Variants in PLEKHF1 observed in about 807,000 individuals in gnomAD.
PLEKHF1 encodes the protein pleckstrin homology domain-containing family F member 1.
Under a neutral mutation model 4.1 loss-of-function variants are expected in PLEKHF1, and 1 was observed. The observed-to-expected ratio is 0.24, with a 90% CI of 0.09 to 1.15. The LOEUF (loss-of-function observed/expected upper bound fraction) is 1.15, where lower values mean the gene tolerates loss of function less well. PLEKHF1 is among the 50% of genes most tolerant of loss of function. PLEKHF1 has a pLI of 0.52. For synonymous variants in PLEKHF1, 182 were observed against 178.5 expected (o/e 1.02, Z -0.16); for missense variants, 429 against 400.6 (o/e 1.07, Z -0.60).
rs757300561 is a variant in PLEKHF1, at chr19:29,673,953, C to T, written c.114C>T (p.Gly38=). 23 of 1,613,698 alleles carry T rather than the reference C, an allele frequency of 1.4e-5. No individual in the cohort carries two copies. Among genetic ancestry groups the T allele is most frequent in the South Asian group, 1.2e-4 (11 of 91,094 alleles). ...CGCTGCCAGGCCGAGTGCTGCTGGG[C>T]GAGGGCGTGCTGACCAAAGAGTGCC... is the stretch of plus-strand genomic sequence containing the variant. ...PLALPGRVLL[G]EGVLTKECRK... The change falls in exon 2 of 2, where the codon GGC becomes GGT. Residue 38 remains glycine (G), a synonymous_variant. Transcript: ENST00000436066.
rs369319464 is a variant in PLEKHF1 at position 29,674,106 on chromosome 19, G to A, written c.267G>A (p.Leu89=). 1.2e-6 allele frequency: 2 copies of A among 1,614,000 alleles called. No individual in the cohort carries two copies. Among genetic ancestry groups the A allele is most frequent in the Non-Finnish European group, 1.7e-6 (2 of 1,180,022 alleles). Residue 89 remains leucine, a synonymous_variant, in exon 2 of 2, where the codon CTG becomes CTA. Transcript: ENST00000436066. ...IIPLEEVTLE[L]LPETLQAKNR... is the part of the protein sequence containing the mutation. ...CCCTGGAGGAGGTCACACTGGAGCT[G>A]TTGCCGGAGACGCTGCAGGCCAAGA...
intron 1 of PLEKHF1, among the ~76,000 whole-genome samples, chr19:29,672,268 A>T (rs1971638944): frequency 6.6e-6 from 1 of 151,928 alleles, no homozygotes; most frequent in African/African-American, 2.4e-5. Context: ...CCAACACTCA[A>T]CTCTCCCATT....
chr19:29,668,971 G>A (rs760279671), intron 1 of PLEKHF1, among the ~76,000 whole-genome samples: 43 of 152,250 alleles, frequency 2.8e-4, no homozygotes, highest in Admixed American at 1.9e-3. Context: ...AGTGTGTGGG[G>A]TCAGCTCTCA....
rs1374349056 is a variant in PLEKHF1 at position 29,674,515 on chromosome 19, G to T, written c.676G>T (p.Gly226Trp). Residue 226 changes from glycine (G) to tryptophan (W), a missense_variant, in exon 2 of 2, where the codon GGG (glycine) becomes TGG (tryptophan). By Grantham distance (184) the Gly-to-Trp change is radical (BLOSUM62 -2). Coordinates refer to ENST00000436066, the MANE Select transcript of PLEKHF1 (RefSeq NM_024310.5). Reference sequence around the variant, plus strand: ...GGAGGAGGCGGAGGAGCAGGGCGCGGGGTCCCCAGGGCAGCCAGCCCACCT... The same window carrying T: ...GGAGGAGGCGGAGGAGCAGGGCGCGTGGTCCCCAGGGCAGCCAGCCCACCT... ...RQEEAEEQGA[G>W]SPGQPAHLAR... The T allele has an allele frequency of 1.3e-6, 2 of 1,567,370 alleles. No individual in the cohort carries two copies. The highest frequency in any genetic ancestry group is 2.7e-5 in the African/African-American group (2 of 73,906).
At chr19:29,670,014 C>G (rs1971612345) in intron 1 of PLEKHF1, among the ~76,000 whole-genome samples, 1 of 152,164 alleles carries the variant, frequency 6.6e-6, no homozygotes, top group Admixed American at 6.5e-5. Flanking sequence ...TCACTGCAAT[C>G]TCTACTTCCT....
At position 29,671,863 on chromosome 19, in the gene PLEKHF1, G is replaced by A. The variant is rs192889865; in HGVS notation, c.-16-1961G>A. Among the ~76,000 whole-genome samples the A allele has an allele frequency of 2.9e-3, 438 of 152,224 alleles. 6 individuals carry two copies. The highest frequency in any genetic ancestry group is 9.7e-3 in the African/African-American group (401 of 41,538). On this transcript the variant is annotated intron_variant, in intron 1 of 1. Transcript: ENST00000436066. The surrounding 1 kb of genome is among the most constrained non-coding windows in gnomAD (Gnocchi z 4.0). ...ATGGGTGTGATCAGCTCAGCCCCAG[G>A]CGTGCCGTGTGTACCGGAATGCATG...
Position 29,674,386 on chromosome 19 carries a change from T to C in PLEKHF1, c.547T>C (p.Cys183Arg). The C allele has an allele frequency of 6.5e-7, 1 of 1,532,634 alleles. No homozygotes were observed. Among genetic ancestry groups the C allele is most frequent in the Non-Finnish European group, 8.7e-7 (1 of 1,143,226 alleles). 94.9% of individuals were successfully genotyped at this position (1,532,634 alleles called of 1,614,324 possible). ...CTGCCGCAAGTGCGGCTTCGTGGTC[T>C]GCGCTGAGTGCTCGCGCCAGCGCTT... The part of the protein sequence containing the change: ...HHCRKCGFVV[C>R]AECSRQRFLL... The change falls in exon 2 of 2, where the codon TGC becomes CGC. Residue 183 changes from cysteine to arginine, a missense_variant. By Grantham distance (180) the Cys-to-Arg change is radical. Transcript: ENST00000436066.
intron 1 of PLEKHF1, among the ~76,000 whole-genome samples, chr19:29,673,469 C>G (rs1016760085): frequency 6.6e-6 from 1 of 151,964 alleles, no homozygotes; most frequent in Non-Finnish European, 1.5e-5. Context: ...ACTGTAGCCT[C>G]AAACTCCTGG....
At chr19:29,670,802 C>T (rs1488706590) in intron 1 of PLEKHF1, among the ~76,000 whole-genome samples, 4 of 152,008 alleles carry the variant, frequency 2.6e-5, no homozygotes, top group African/African-American at 4.8e-5. Flanking sequence ...CTCAGCCTCC[C>T]GAGTAGCTGG....
chr19:29,666,534 G>A (rs1971571599), intron 1 of PLEKHF1, among the ~76,000 whole-genome samples: 1 of 152,220 alleles, frequency 6.6e-6, no homozygotes, highest in Non-Finnish European at 1.5e-5. Context: ...CCTGGAGGGT[G>A]GGACAGCCCA....
intron 1 of PLEKHF1, 143 bp downstream of exon 1, chr19:29,665,648 C>G (rs894595556): frequency 2.8e-5 from 32 of 1,150,706 alleles, no homozygotes; most frequent in Non-Finnish European, 3.2e-5. Flanking sequence ...GGCGCAGTGC[C>G]GCTGACTCCA....
chr19:29,668,626 G>A (rs749388506), intron 1 of PLEKHF1, among the ~76,000 whole-genome samples: 103 of 151,942 alleles, frequency 6.8e-4, no homozygotes, highest in African/African-American at 2.3e-3. Flanking sequence ...AGGCTGAGGC[G>A]GGAGGCTTTC....
intron 1 of PLEKHF1, among the ~76,000 whole-genome samples, chr19:29,669,630 T>C (rs1192664575): frequency 6.6e-6 from 1 of 152,220 alleles, no homozygotes; most frequent in African/African-American, 2.4e-5. Flanking sequence ...GTAATTCTTT[T>C]CCTTTTGAAG....
chr19:29,671,109 T>C lies in PLEKHF1; in HGVS notation c.-16-2715T>C, dbSNP rs866880241. Among the ~76,000 whole-genome samples the C allele has an allele frequency of 3.3e-4, 50 of 151,794 alleles. No individual in the cohort carries two copies. The highest frequency in any genetic ancestry group is 6.8e-3 in the Middle Eastern group (2 of 294). On this transcript the variant is annotated intron_variant, in intron 1 of 1. Coordinates refer to ENST00000436066, the MANE Select transcript of PLEKHF1 (RefSeq NM_024310.5). The surrounding 1 kb of genome is among the most constrained non-coding windows in gnomAD (Gnocchi z 4.0). The stretch of plus-strand genomic sequence containing the variant: ...TGTTTTGTTTTTTTCCCCTCCTTTT[T>C]TTTTTTTTGAGATGGAATCTCACTC...
rs1413767796 is a variant in PLEKHF1 at position 29,674,767 on chromosome 19, G to C, written c.*88G>C. 5 of 1,477,436 alleles carry C rather than the reference G, an allele frequency of 3.4e-6. No homozygotes were observed. Among genetic ancestry groups the C allele is most frequent in the Non-Finnish European group, 4.5e-6 (5 of 1,114,796 alleles). The allele number at this position is 1,477,436 out of a possible 1,614,324, so 91.5% of individuals were successfully genotyped here. A position where few individuals can be genotyped will look rare whatever the true frequency, so the allele number is the denominator to read the frequency against. ...GCTCCAGAAGCTGCCCAGGGCTCCGGGACCCCATCCCATGGTGGCAGGTGC... is the reference window on the plus strand; with the variant it reads ...GCTCCAGAAGCTGCCCAGGGCTCCGCGACCCCATCCCATGGTGGCAGGTGC... On this transcript the variant is annotated 3_prime_UTR_variant, in exon 2 of 2. Transcript: ENST00000436066.
At position 29,674,690 on chromosome 19, in the gene PLEKHF1, G is replaced by A. The variant is rs1971683854; in HGVS notation, c.*11G>A. The A allele has an allele frequency of 6.3e-7, 1 of 1,585,724 alleles. No individual in the cohort carries two copies. The highest frequency in any genetic ancestry group is 1.1e-5 in the South Asian group (1 of 88,016). Reference sequence around the variant, plus strand: ...GCCTTCCACAGCTGACCCCCGGCCTGCAGAACATCTGTCCCCAAGCCAGCT... The same window carrying A: ...GCCTTCCACAGCTGACCCCCGGCCTACAGAACATCTGTCCCCAAGCCAGCT... On this transcript the variant is annotated 3_prime_UTR_variant, in exon 2 of 2. Transcript: ENST00000436066.
intron 1 of PLEKHF1, chr19:29,665,869 C>T: frequency 1.0e-6 from 1 of 978,074 alleles, no homozygotes; most frequent in South Asian, 3.4e-5. Flanking sequence ...TTCCGGGATC[C>T]TGGCCTCGTG....
intron 1 of PLEKHF1, chr19:29,666,876 G>C (rs1027593010): frequency 6.6e-6 from 1 of 152,240 alleles, no homozygotes; most frequent in African/African-American, 2.4e-5. Context: ...TTTCATTACC[G>C]GTCTCTTCCC....
chr19:29,673,796 C>G (rs1971657537), intron 1 of PLEKHF1, 28 bp from the exon 2 acceptor site: 4 of 1,564,198 alleles, frequency 2.6e-6, no homozygotes, highest in Non-Finnish European at 3.5e-6. Flanking sequence ...TGAGCCTGGA[C>G]ATACTCCTTG....
Sources: allele counts gnomAD v4.1 joint callset (sites outside exome capture counted in the v4.1 genomes callset), GRCh38; gene constraint gnomAD v4.1.1; non-coding constraint Gnocchi (gnomAD v3.1); transcripts MANE v1.5; gene names NCBI Gene and HGNC (gene_info 2026-07-23, HGNC 2026-07-21).